Variants in GRIP1 observed in about 807,000 individuals in gnomAD.
GRIP1 encodes the protein glutamate receptor-interacting protein 1.
In GRIP1, 45 loss-of-function variants were observed where a neutral mutation model predicts 129.9. The ratio of observed to expected loss-of-function variants is 0.35; its 90% CI spans 0.27 to 0.44. GRIP1 has a LOEUF of 0.44. Among genes scored for constraint, GRIP1 ranks in the 20% least tolerant of loss-of-function variants. The pLI is 1.00. For missense variants in GRIP1, 1,196 were observed against 1,396.8 expected (o/e 0.86, Z 2.29); for synonymous variants, 530 against 520.8 (o/e 1.02, Z -0.24).
At chr12:66,913,685 C>T (rs78393489) in intron 1 of GRIP1, among the ~76,000 whole-genome samples, 6,359 of 152,222 alleles carry the variant, frequency 0.042, 288 homozygotes, top group African/African-American at 0.11. Context: ...TAATCAGCTG[C>T]TTCCTGGAGG....
intron 2 of GRIP1, among the ~76,000 whole-genome samples, chr12:66,562,983 C>G (rs2062594248): frequency 6.6e-6 from 1 of 150,682 alleles, no homozygotes; most frequent in Admixed American, 6.7e-5. Context: ...TCATCCTTGT[C>G]TTCTTCACGT....
At chr12:66,842,169 A>G (rs1338811038) in intron 1 of GRIP1, among the ~76,000 whole-genome samples, 1 of 152,124 alleles carries the variant, frequency 6.6e-6, no homozygotes, top group Non-Finnish European at 1.5e-5. Flanking sequence ...ATTACCCAGA[A>G]AAAAACAAAC....
At chr12:66,962,121 TC>T (rs1458944466) in intron 1 of GRIP1, among the ~76,000 whole-genome samples, 4 of 152,176 alleles carry the variant, frequency 2.6e-5, no homozygotes, top group African/African-American at 9.7e-5. Context: ...GATATTAAAA[TC>T]TTTCTATTTT....
At chr12:66,455,355 C>T in intron 11 of GRIP1, 54 bp downstream of exon 11, 2 of 1,528,898 alleles carry the variant, frequency 1.3e-6, no homozygotes, top group Non-Finnish European at 1.8e-6. Flanking sequence ...TTCAAGGCTC[C>T]ATTGCCCACA....
Position 66,423,945 on chromosome 12 carries a change from G to A in GRIP1, c.1769-3156C>T, listed in dbSNP as rs563841862. Among the ~76,000 whole-genome samples, 44 of 152,236 alleles carry A rather than the reference G, an allele frequency of 2.9e-4. No individual in the cohort carries two copies. The South Asian group carries it at 8.3e-3, about 29-fold the overall frequency. On this transcript the variant is annotated intron_variant, in intron 14 of 24. Transcript: ENST00000359742. ...TGGTCGAACACACAACTGAAAGCCT[G>A]ACAAAAAAGAGCAATGATGCTAAAT...
Position 66,371,674 on chromosome 12 carries a change from A to G in GRIP1, c.3012+20T>C. 6.5e-7 allele frequency: 1 copy of G among 1,534,270 alleles called. No individual in the cohort carries two copies. Among genetic ancestry groups the G allele is most frequent in the Non-Finnish European group, 9.0e-7 (1 of 1,107,014 alleles). On this transcript the variant is annotated intron_variant, in intron 23 of 24. Coordinates refer to ENST00000359742, the MANE Select transcript of GRIP1 (RefSeq NM_001366722.1). Reference sequence around the variant, plus strand: ...GGCTGCCAAATTTGACCCTAGGGAAAGAAGAGAAAGCTTACTGACCTTGTG... The same window carrying G: ...GGCTGCCAAATTTGACCCTAGGGAAGGAAGAGAAAGCTTACTGACCTTGTG...
At chr12:67,046,890 G>A (rs537267336) in intron 1 of GRIP1, among the ~76,000 whole-genome samples, 1 of 152,074 alleles carries the variant, frequency 6.6e-6, no homozygotes. Context: ...ATTATCCTAC[G>A]TAGCCATTTT....
chr12:66,480,832 A>G (rs1032408240), intron 7 of GRIP1, among the ~76,000 whole-genome samples: 7 of 152,244 alleles, frequency 4.6e-5, no homozygotes, highest in Non-Finnish European at 7.3e-5. Context: ...TATTTAATAA[A>G]CAGTATTGGG....
At chr12:66,761,251 A>G (rs1380780073) in intron 1 of GRIP1, among the ~76,000 whole-genome samples, 1 of 151,982 alleles carries the variant, frequency 6.6e-6, no homozygotes, top group Non-Finnish European at 1.5e-5. Flanking sequence ...TCTCCACTCA[A>G]AAATTTCCAC....
At chr12:67,057,578 G>A (rs1220534446) in intron 1 of GRIP1, among the ~76,000 whole-genome samples, 1 of 152,076 alleles carries the variant, frequency 6.6e-6, no homozygotes, top group African/African-American at 2.4e-5. Context: ...AGTAAATGCA[G>A]TTATTGAGTA....
chr12:66,544,596 AG>A (rs1303422344), intron 2 of GRIP1, among the ~76,000 whole-genome samples: 2 of 152,260 alleles, frequency 1.3e-5, no homozygotes, highest in East Asian at 3.8e-4. Flanking sequence ...AGACCAAAGA[AG>A]GAATATAAAT....
intron 1 of GRIP1, among the ~76,000 whole-genome samples, chr12:66,986,563 T>C (rs1336930755): frequency 6.7e-6 from 1 of 149,460 alleles, no homozygotes; most frequent in Non-Finnish European, 1.5e-5. Flanking sequence ...TCATTCTCAG[T>C]AAACTATTGC....
At chr12:67,012,714 GTTTTC>G (rs904180576) in intron 1 of GRIP1, among the ~76,000 whole-genome samples, 1 of 152,128 alleles carries the variant, frequency 6.6e-6, no homozygotes, top group African/African-American at 2.4e-5. Context: ...GCTGTGAATT[GTTTTC>G]TTATCACAGA....
chr12:66,809,662 C>CT (rs774288663), intron 1 of GRIP1, among the ~76,000 whole-genome samples: 6,538 of 141,842 alleles, frequency 0.046, 376 homozygotes, highest in African/African-American at 0.13. Flanking sequence ...CACAAAATGT[C>CT]TTTTTTTTTT....
At chr12:66,656,445 A>G (rs1030313844) in intron 1 of GRIP1, among the ~76,000 whole-genome samples, 5 of 152,184 alleles carry the variant, frequency 3.3e-5, no homozygotes, top group South Asian at 2.1e-4. Context: ...GAGTAGCTGC[A>G]GCCCTCCTTA....
rs770248508 is a variant in GRIP1, at chr12:66,828,525, G to T, written c.59-231598C>A. ...ATAACTGTTATCTCATTTTAGAAAA[G>T]TAAAAATAGAATCAAGTATGATTAA... On this transcript the variant is annotated intron_variant, in intron 1 of 1. Coordinates refer to the GRIP1 transcript ENST00000643019. Among the ~76,000 whole-genome samples, 152 of 152,186 alleles carry T rather than the reference G, an allele frequency of 1.0e-3. 6 individuals are homozygous for T. The highest frequency in any genetic ancestry group is 5.4e-3 in the South Asian group (26 of 4,824).
At chr12:66,562,039 T>G (rs12231299) in intron 2 of GRIP1, among the ~76,000 whole-genome samples, 56,826 of 151,742 alleles carry the variant, frequency 0.37, 10,819 homozygotes, top group East Asian at 0.41. Flanking sequence ...GCCTGGGAGG[T>G]TGAGGCTGCA....
intron 14 of GRIP1, among the ~76,000 whole-genome samples, 164 bp from the exon 15 acceptor site, chr12:66,420,953 G>T (rs187304659): frequency 6.6e-6 from 1 of 152,320 alleles, no homozygotes; most frequent in Non-Finnish European, 1.5e-5. Flanking sequence ...CTTTACAAAT[G>T]TTTGTGCTAA....
At chr12:66,578,653 T>G (rs2063237583) in intron 2 of GRIP1, among the ~76,000 whole-genome samples, 1 of 152,224 alleles carries the variant, frequency 6.6e-6, no homozygotes, top group East Asian at 1.9e-4. Context: ...TCTCGCTGAT[T>G]GCTAGCACAG....
Sources: allele counts gnomAD v4.1 joint callset (sites outside exome capture counted in the v4.1 genomes callset), GRCh38; gene constraint gnomAD v4.1.1; transcripts MANE v1.5; gene names NCBI Gene and HGNC (gene_info 2026-07-23, HGNC 2026-07-21).